Variants in ALMS1 observed in about 807,000 individuals in gnomAD.
ALMS1 encodes the protein ALMS1 centrosome and basal body associated protein, also known as centrosome-associated protein ALMS1.
In ALMS1, 271 loss-of-function variants were observed where a neutral mutation model predicts 352.2. The observed-to-expected ratio is 0.77, with a 90% CI of 0.70 to 0.85. ALMS1 has a LOEUF of 0.85. Ranked by LOEUF, ALMS1 falls within the 40% of genes least tolerant of loss-of-function variation. ALMS1 has a pLI of 0.00. For synonymous variants in ALMS1, 1,865 were observed against 1,761.2 expected (o/e 1.06, Z -1.48); for missense variants, 5,445 against 4,870.7 (o/e 1.12, Z -3.51).
intron 11 of ALMS1, among the ~76,000 whole-genome samples, chr2:73,534,066 AT>A (rs1357509508): frequency 6.6e-5 from 10 of 152,318 alleles, no homozygotes; most frequent in African/African-American, 2.4e-4. Context: ...TGGTATAACC[AT>A]AAAAATGTGA....
At chr2:73,592,152 T>C (rs1045530595) in intron 16 of ALMS1, among the ~76,000 whole-genome samples, 2 of 152,232 alleles carry the variant, frequency 1.3e-5, no homozygotes, top group Non-Finnish European at 2.9e-5. Context: ...CCAAAATAAA[T>C]TTTTCAAGAA....
intron 1 of ALMS1, among the ~76,000 whole-genome samples, chr2:73,390,400 G>A (rs1670620603): frequency 6.6e-6 from 1 of 152,126 alleles, no homozygotes; most frequent in African/African-American, 2.4e-5. Context: ...CAAGTTAAAT[G>A]ACAAAATTGT....
In ALMS1 at chr2:73,453,541, A is replaced by G. The variant is rs1487084882; in HGVS notation, c.7014A>G (p.Thr2338=). 6.2e-7 allele frequency: 1 copy of G among 1,613,904 alleles called. No individual in the cohort carries two copies. The highest frequency in any genetic ancestry group is 1.3e-5 in the African/African-American group (1 of 74,982). The stretch of plus-strand genomic sequence containing the variant: ...GGTGCATACAGAAGGATATTGGCAC[A>G]CAGACGAATTTGAAATGCCGGAGAG... ...SSRCIQKDIG[T]QTNLKCRRGI... Residue 2338 remains threonine (T), a synonymous_variant, in exon 8 of 23, where the codon ACA becomes ACG. Coordinates refer to ENST00000613296, the MANE Select transcript of ALMS1 (RefSeq NM_001378454.1).
At chr2:73,541,429 G>T (rs936602173) in intron 12 of ALMS1, among the ~76,000 whole-genome samples, 4 of 152,212 alleles carry the variant, frequency 2.6e-5, no homozygotes, top group South Asian at 4.1e-4. Context: ...AGGAAAGATC[G>T]AAAATTGACA....
At chr2:73,522,178 C>T (rs1673694774) in intron 11 of ALMS1, among the ~76,000 whole-genome samples, 2 of 152,166 alleles carry the variant, frequency 1.3e-5, no homozygotes, top group Admixed American at 1.3e-4. Context: ...TTATTTGTCT[C>T]AGGTCCATCG....
intron 16 of ALMS1, among the ~76,000 whole-genome samples, chr2:73,594,778 C>A (rs1232456152): frequency 6.6e-6 from 1 of 152,226 alleles, no homozygotes; most frequent in Non-Finnish European, 1.5e-5. Flanking sequence ...ACCCCCACCT[C>A]CTTTCCTGAT....
rs1383525562 is a variant in ALMS1 at position 73,453,523 on chromosome 2, A to G, written c.6996A>G (p.Ile2332Met). 1 of 1,613,796 alleles carries G rather than the reference A, an allele frequency of 6.2e-7. No homozygotes were observed. Among genetic ancestry groups the G allele is most frequent in the Admixed American group, 1.7e-5 (1 of 59,930 alleles). Reference protein sequence around the residue: ...FTEESPSSRCIQKDIGTQTNL... With the variant: ...FTEESPSSRCMQKDIGTQTNL... ...AGGAAAGCCCAAGCAGCAGGTGCAT[A>G]CAGAAGGATATTGGCACACAGACGA... Residue 2332 changes from isoleucine (I) to methionine (M), a missense_variant, in exon 8 of 23, where the codon ATA becomes ATG. Physicochemically the swap from Ile to Met is conservative, Grantham distance 10. Transcript: ENST00000613296.
At chr2:73,486,501 T>G (rs759728069) in intron 9 of ALMS1, among the ~76,000 whole-genome samples, 1 of 152,206 alleles carries the variant, frequency 6.6e-6, no homozygotes, top group African/African-American at 2.4e-5. Flanking sequence ...TCTACTGGGT[T>G]TTTAGCTAGT....
intron 12 of ALMS1, 126 bp from the exon 13 acceptor site, chr2:73,550,141 T>C (rs1170415728): frequency 1.1e-6 from 1 of 925,276 alleles, no homozygotes; most frequent in African/African-American, 1.7e-5. Flanking sequence ...ATTACAGGCA[T>C]GAGCCATCGT....
At chr2:73,524,620 T>G (rs1673751709) in intron 11 of ALMS1, among the ~76,000 whole-genome samples, 1 of 152,006 alleles carries the variant, frequency 6.6e-6, no homozygotes, top group Non-Finnish European at 1.5e-5. Flanking sequence ...GCCTGGCTAA[T>G]TTTTGTATTT....
rs1485228491 is a variant in ALMS1, at chr2:73,489,715, T to G, written c.7756T>G (p.Cys2586Gly). Residue 2586 changes from cysteine (C) to glycine (G), a missense_variant, in exon 10 of 23, where the codon TGT becomes GGT. By Grantham distance (159) the Cys-to-Gly change is radical. Coordinates refer to ENST00000613296, the MANE Select transcript of ALMS1 (RefSeq NM_001378454.1). The part of the protein sequence containing the change: ...HIIIESHEKG[C>G]FRTLTSEHPQ... ...TATTATTGAGAGCCATGAAAAGGGA[T>G]GTTTCCGGACTCTAACTTCTGAACA... 1 of 1,614,138 alleles carries G rather than the reference T, an allele frequency of 6.2e-7. No individual in the cohort carries two copies. The highest frequency in any genetic ancestry group is 8.5e-7 in the Non-Finnish European group (1 of 1,180,030).
intron 7 of ALMS1, among the ~76,000 whole-genome samples, chr2:73,438,803 T>G (rs996000475): frequency 4.6e-5 from 7 of 152,184 alleles, no homozygotes; most frequent in Admixed American, 1.3e-4. Flanking sequence ...TCAGTTTCCA[T>G]TCCAATTTCT....
chr2:73,504,869 A>G (rs1289875122), intron 10 of ALMS1, among the ~76,000 whole-genome samples: 1 of 151,974 alleles, frequency 6.6e-6, no homozygotes, highest in Non-Finnish European at 1.5e-5. Context: ...TCCTAATGTT[A>G]TCTCTCCCCT....
Position 73,490,491 on chromosome 2 carries a change from T to C in ALMS1, c.8532T>C (p.Leu2844=). The C allele has an allele frequency of 6.2e-7, 1 of 1,614,152 alleles. No homozygotes were observed. Among genetic ancestry groups the C allele is most frequent in the Non-Finnish European group, 8.5e-7 (1 of 1,180,032 alleles). The change falls in exon 10 of 23, where the codon CTT becomes CTC. Residue 2844 remains leucine (L), a synonymous_variant. Coordinates refer to ENST00000613296, the MANE Select transcript of ALMS1 (RefSeq NM_001378454.1). The part of the protein sequence containing the change: ...KEIQISDNHT[L]ISMGRPSSTL... ...TTCAGATTTCTGATAACCATACCCT[T>C]ATTAGCATGGGCAGACCAAGTTCCA...
chr2:73,411,603 G>A (rs1671078984), intron 2 of ALMS1, among the ~76,000 whole-genome samples: 2 of 151,876 alleles, frequency 1.3e-5, no homozygotes, highest in African/African-American at 2.4e-5. Flanking sequence ...CATCCTTTAC[G>A]CCTGGGTTCG....
chr2:73,566,386 A>G (rs914752574), intron 15 of ALMS1, among the ~76,000 whole-genome samples: 2 of 152,218 alleles, frequency 1.3e-5, no homozygotes, highest in Non-Finnish European at 2.9e-5. Flanking sequence ...CCAGACAGCT[A>G]TGAAGTGCCT....
intron 3 of ALMS1, among the ~76,000 whole-genome samples, chr2:73,420,732 C>G (rs1221861467): frequency 1.3e-5 from 2 of 152,140 alleles, no homozygotes; most frequent in Admixed American, 6.5e-5. Context: ...ATAACTCTGG[C>G]TTCTCATTTA....
At chr2:73,471,589 G>C (rs1238079024) in intron 9 of ALMS1, among the ~76,000 whole-genome samples, 1 of 150,840 alleles carries the variant, frequency 6.6e-6, no homozygotes, top group Non-Finnish European at 1.5e-5. Flanking sequence ...ACATACAAAT[G>C]TGTAAGGTGC....
intron 15 of ALMS1, among the ~76,000 whole-genome samples, chr2:73,568,871 C>T (rs1450260002): frequency 6.6e-6 from 1 of 151,946 alleles, no homozygotes; most frequent in Non-Finnish European, 1.5e-5. Flanking sequence ...TAAATAACTA[C>T]TTCAACTTAT....
Sources: allele counts gnomAD v4.1 joint callset (sites outside exome capture counted in the v4.1 genomes callset), GRCh38; gene constraint gnomAD v4.1.1; transcripts MANE v1.5; gene names NCBI Gene and HGNC (gene_info 2026-07-23, HGNC 2026-07-21).